SIRT1: variants seen among roughly 807,000 people sequenced by gnomAD.
SIRT1 encodes the protein NAD-dependent protein deacetylase sirtuin-1.
A neutral mutation model predicts 67.9 loss-of-function variants in SIRT1; 24 were observed. The ratio of observed to expected loss-of-function variants is 0.35; its 90% CI spans 0.26 to 0.50. SIRT1 has a LOEUF of 0.50. Ranked by LOEUF, SIRT1 falls within the 20% of genes least tolerant of loss-of-function variation. The pLI is 0.98. For synonymous variants in SIRT1, 378 were observed against 350.7 expected (o/e 1.08, Z -0.87); for missense variants, 873 against 937.2 (o/e 0.93, Z 0.89).
rs1283723246 is a variant in SIRT1 at position 67,901,540 on chromosome 10, G to A, written c.943-5250G>A. Among the ~76,000 whole-genome samples, 4 of 152,124 alleles carry A rather than the reference G, an allele frequency of 2.6e-5. No individual in the cohort carries two copies. In the East Asian group the frequency reaches 5.8e-4, roughly 22 times the overall value. ...GTAGTATGCTTTGCAGACTGCATAGGGTCTCTGTCATATGTTCTTTGTTTT... is the reference window on the plus strand; with the variant it reads ...GTAGTATGCTTTGCAGACTGCATAGAGTCTCTGTCATATGTTCTTTGTTTT... On this transcript the variant is annotated intron_variant, in intron 4 of 8. Transcript: ENST00000212015.
At chr10:67,914,849 G>C (rs987513065) in intron 8 of SIRT1, among the ~76,000 whole-genome samples, 9 of 150,702 alleles carry the variant, frequency 6.0e-5, no homozygotes, top group Non-Finnish European at 1.5e-5. Flanking sequence ...CTGTAGCTGA[G>C]ACCACAGGCG....
intron 1 of SIRT1, chr10:67,885,374 G>A (rs1196469084): frequency 4.1e-6 from 5 of 1,231,272 alleles, no homozygotes; most frequent in Non-Finnish European, 2.0e-6. Flanking sequence ...CCGCCTGGGC[G>A]GCCTTGTTCT....
intron 7 of SIRT1, among the ~76,000 whole-genome samples, chr10:67,911,095 C>A (rs1196135701): frequency 2.0e-5 from 3 of 152,206 alleles, no homozygotes; most frequent in Non-Finnish European, 4.4e-5. Context: ...GAATACAAGA[C>A]AATTTGCAAT....
rs1842572189 is a variant in SIRT1 at position 67,891,441 on chromosome 10, G to A, written c.829G>A (p.Asp277Asn). 1.2e-5 allele frequency: 20 copies of A among 1,614,110 alleles called. No homozygotes were observed. Among genetic ancestry groups the A allele is most frequent in the Non-Finnish European group, 1.7e-5 (20 of 1,179,980 alleles). The change falls in exon 4 of 9, where the codon GAT (aspartate) becomes AAT (asparagine). Residue 277 changes from aspartate to asparagine, a missense_variant. By Grantham distance (23) the Asp-to-Asn change is conservative. Transcript: ENST00000212015. ...SCGIPDFRSR[D>N]GIYARLAVDF... The stretch of plus-strand genomic sequence containing the variant: ...TGGAATACCTGACTTCAGGTCAAGG[G>A]ATGGTATTTATGCTCGCCTTGCTGT...
At chr10:67,901,903 TA>T (rs1842750672) in intron 4 of SIRT1, among the ~76,000 whole-genome samples, 1 of 152,256 alleles carries the variant, frequency 6.6e-6, no homozygotes. Context: ...CTCAAGCTAA[TA>T]TTCATTACTT....
rs758781892 is a variant in SIRT1, at chr10:67,916,541, T to C, written c.2192T>C (p.Ile731Thr). Reference sequence around the variant, plus strand: ...GATCAAGAGGCAATTAATGAAGCTATATCTGTGAAACAGGAAGTAACAGAC... The same window carrying C: ...GATCAAGAGGCAATTAATGAAGCTACATCTGTGAAACAGGAAGTAACAGAC... ...GDDQEAINEA[I>T]SVKQEVTDMN... is the part of the protein sequence containing the mutation. Residue 731 changes from isoleucine to threonine, a missense_variant, in exon 9 of 9, where the codon ATA becomes ACA. Transcript: ENST00000212015. The C allele has an allele frequency of 2.5e-6, 4 of 1,614,138 alleles. No individual in the cohort carries two copies. Among genetic ancestry groups the C allele is most frequent in the Admixed American group, 1.7e-5 (1 of 60,022 alleles).
intron 4 of SIRT1, among the ~76,000 whole-genome samples, chr10:67,903,887 C>G (rs1046813579): frequency 2.0e-4 from 30 of 152,106 alleles, no homozygotes; most frequent in African/African-American, 7.2e-4. Context: ...GCCCAGCCCT[C>G]ATGATTGGTT....
chr10:67,906,008 C>A, intron 4 of SIRT1: 1 of 549,628 alleles, frequency 1.8e-6, no homozygotes, highest in Non-Finnish European at 2.7e-6. Context: ...AGCACTACTA[C>A]TTTGAAGGAA....
chr10:67,887,419 A>T lies in SIRT1; in HGVS notation c.433A>T (p.Asn145Tyr). 1.2e-6 allele frequency: 2 copies of T among 1,609,026 alleles called. No individual in the cohort carries two copies. Among genetic ancestry groups the T allele is most frequent in the Non-Finnish European group, 1.7e-6 (2 of 1,175,722 alleles). ...GACTGACTTGGTTTCTTTTGCAGAT[A>T]ACCTTCTGTTCGGTGATGAAATTAT... is the stretch of plus-strand genomic sequence containing the variant. ...AAAAAIGYRD[N>Y]LLFGDEIITN... Residue 145 changes from asparagine (N) to tyrosine (Y), a missense_variant and splice_region_variant, in exon 2 of 9, where the codon AAC becomes TAC. Coordinates refer to ENST00000212015, the MANE Select transcript of SIRT1 (RefSeq NM_012238.5).
rs939792852 is a variant in SIRT1 at position 67,916,695 on chromosome 10, G to T, written c.*102G>T. ...TGAACTCGATAGAGCAAGGAAACCA[G>T]AAAGGTGTAATATTTATAGGTTGGT... On this transcript the variant is annotated 3_prime_UTR_variant, in exon 9 of 9. Coordinates refer to ENST00000212015, the MANE Select transcript of SIRT1 (RefSeq NM_012238.5). 4 of 882,472 alleles carry T rather than the reference G, an allele frequency of 4.5e-6. No homozygotes were observed. The highest frequency in any genetic ancestry group is 6.7e-6 in the Non-Finnish European group (4 of 596,522). The allele number at this position is 882,472 out of a possible 1,614,324, so 54.7% of individuals were successfully genotyped here. A position where few individuals can be genotyped will look rare whatever the true frequency, so the allele number is the denominator to read the frequency against.
chr10:67,888,547 T>C (rs543042263), intron 2 of SIRT1, among the ~76,000 whole-genome samples: 1 of 152,328 alleles, frequency 6.6e-6, no homozygotes, highest in South Asian at 2.1e-4. Context: ...GGTACGATTT[T>C]TCTATGTCGT....
intron 1 of SIRT1, among the ~76,000 whole-genome samples, chr10:67,886,163 G>C (rs952335729): frequency 6.6e-6 from 1 of 151,844 alleles, no homozygotes; most frequent in African/African-American, 2.4e-5. Flanking sequence ...GGATGGTCTT[G>C]ATTTCTTGAC....
chr10:67,887,979 T>G (rs1842512716), intron 2 of SIRT1, among the ~76,000 whole-genome samples: 1 of 152,252 alleles, frequency 6.6e-6, no homozygotes, highest in African/African-American at 2.4e-5. Flanking sequence ...TTACCACTTC[T>G]TGAAAAGCTC....
At chr10:67,891,617 T>C (rs1842574926) in intron 4 of SIRT1, 63 bp downstream of exon 4, 1 of 1,516,166 alleles carries the variant, frequency 6.6e-7, no homozygotes, top group East Asian at 2.3e-5. Context: ...TTTGTTCACA[T>C]ACAGCCACCT....
At chr10:67,906,643 G>T in intron 4 of SIRT1, 147 bp from the exon 5 acceptor site, 1 of 781,652 alleles carries the variant, frequency 1.3e-6, no homozygotes, top group Non-Finnish European at 2.0e-6. Context: ...GTAGGTGTGT[G>T]TCGCATCCAT....
chr10:67,899,422 C>G (rs1189367368), intron 4 of SIRT1, among the ~76,000 whole-genome samples: 1 of 151,578 alleles, frequency 6.6e-6, no homozygotes, highest in African/African-American at 2.4e-5. Flanking sequence ...ATAGTTTGCC[C>G]CTTCCTTCAG....
Position 67,918,000 on chromosome 10 carries a change from T to C in SIRT1, c.*1407T>C, listed in dbSNP as rs1729121926. On this transcript the variant is annotated 3_prime_UTR_variant, in exon 9 of 9. Transcript: ENST00000212015. ...GGGTTTGAAATATAGCTGTTCTTTA[T>C]GCATAAAACACCCAGCTAGGACCAT... 1 of 152,636 alleles carries C rather than the reference T, an allele frequency of 6.6e-6. No homozygotes were observed. Among genetic ancestry groups the C allele is most frequent in the Non-Finnish European group, 1.5e-5 (1 of 68,036 alleles). The allele number at this position is 152,636 out of a possible 1,614,324, so 9.5% of individuals were successfully genotyped here.
At chr10:67,905,987 A>G (rs562769017) in intron 4 of SIRT1, 90 of 388,284 alleles carry the variant, frequency 2.3e-4, no homozygotes, top group Non-Finnish European at 3.7e-4. Context: ...GTAAGGAAGT[A>G]AGTAGATGAT....
In SIRT1 at chr10:67,884,738, C is replaced by T; in HGVS notation, c.17C>T (p.Ala6Val). Residue 6 changes from alanine to valine, a missense_variant, in exon 1 of 9, where the codon GCC becomes GTC. Ala to Val is a moderately conservative substitution (Grantham distance 64). Around this residue, in one of 3 missense-constraint regions of SIRT1, gnomAD observed 327 missense variants for 283.9 expected, o/e 1.15. Transcript: ENST00000212015. MADEA[A>V]LALQPGGSPS... is the part of the protein sequence containing the mutation. ...AGTTGGAAGATGGCGGACGAGGCGGCCCTCGCCCTTCAGCCCGGCGGCTCC... is the reference window on the plus strand; with the variant it reads ...AGTTGGAAGATGGCGGACGAGGCGGTCCTCGCCCTTCAGCCCGGCGGCTCC... 2.4e-6 allele frequency: 3 copies of T among 1,229,140 alleles called. No homozygotes were observed. Among genetic ancestry groups the T allele is most frequent in the Admixed American group, 4.2e-5 (1 of 23,632 alleles). The allele number at this position is 1,229,140 out of a possible 1,614,324, so 76.1% of individuals were successfully genotyped here.
Sources: gnomAD v4.1 joint callset for allele counts (sites outside exome capture counted in the v4.1 genomes callset) on GRCh38, gnomAD v4.1.1 for gene constraint, gnomAD v4.1.1 regional missense constraint, MANE v1.5 for transcripts, NCBI Gene and HGNC (gene_info 2026-07-23, HGNC 2026-07-21) for gene names.